KSR1: variants seen among roughly 807,000 people sequenced by gnomAD.
KSR1 encodes the protein kinase suppressor of ras.
In KSR1, 35 loss-of-function variants were observed where a neutral mutation model predicts 92.9. That is an observed-to-expected ratio of 0.38 (90% confidence interval 0.29 to 0.50). The LOEUF (loss-of-function observed/expected upper bound fraction) is 0.50, where lower values mean the gene tolerates loss of function less well. Ranked by LOEUF, KSR1 falls within the 20% of genes least tolerant of loss-of-function variation. KSR1 has a pLI of 0.94. For synonymous variants in KSR1, 467 were observed against 472.6 expected (o/e 0.99, Z 0.15); for missense variants, 972 against 1,158.5 (o/e 0.84, Z 2.34).
In KSR1 at chr17:27,577,674, C is replaced by T. The variant is rs1344298545; in HGVS notation, c.520+35C>T. ...GCCTGCCACCCTCTCCCTTGCCTGG[C>T]CTGGTGCCCTTGGGGCTGTGGCCTT... On this transcript the variant is annotated intron_variant, in intron 3 of 20. Transcript: ENST00000644974. This position sits in a 1 kb window ranked among gnomAD's most constrained non-coding sequence, Gnocchi z 4.5. 1 of 1,490,414 alleles carries T rather than the reference C, an allele frequency of 6.7e-7. No homozygotes were observed. Among genetic ancestry groups the T allele is most frequent in the Non-Finnish European group, 9.1e-7 (1 of 1,104,766 alleles). 92.3% of individuals were successfully genotyped at this position (1,490,414 alleles called of 1,614,324 possible).
chr17:27,599,386 C>T (rs2073462031), intron 10 of KSR1, among the ~76,000 whole-genome samples: 1 of 152,164 alleles, frequency 6.6e-6, no homozygotes, highest in Non-Finnish European at 1.5e-5. Context: ...GGTGAAACCC[C>T]ATCTCTACTA....
intron 1 of KSR1, among the ~76,000 whole-genome samples, chr17:27,549,779 GTCTC>G (rs902133557): frequency 1.6e-4 from 24 of 152,254 alleles, no homozygotes; most frequent in Non-Finnish European, 3.2e-4. Context: ...CATTTCTTCC[GTCTC>G]TCTGAGAGTC....
intron 14 of KSR1, among the ~76,000 whole-genome samples, chr17:27,607,032 G>A (rs567523889): frequency 2.0e-5 from 3 of 152,138 alleles, no homozygotes; most frequent in Non-Finnish European, 2.9e-5. Context: ...AGGTTTCACC[G>A]TGTTGGCCAG....
chr17:27,456,832 T>C lies in KSR1; in HGVS notation c.189T>C (p.Ala63=), dbSNP rs778406998. Residue 63 remains alanine, a synonymous_variant, in exon 1 of 21, where the codon GCT becomes GCC. Transcript: ENST00000644974. ...TGCGCGGGCTGCGCACCAAGTGCGC[T>C]GTGTCCAACGACCTCACCCAGCAGG... The part of the protein sequence containing the change: ...GSLRGLRTKC[A]VSNDLTQQEI... 3.0e-6 allele frequency: 4 copies of C among 1,351,906 alleles called. No individual in the cohort carries two copies. The East Asian group carries it at 6.9e-5, about 23-fold the overall frequency. 83.7% of individuals were successfully genotyped at this position (1,351,906 alleles called of 1,614,324 possible).
intron 6 of KSR1, among the ~76,000 whole-genome samples, chr17:27,589,781 A>G (rs2073099946): frequency 6.6e-6 from 1 of 152,090 alleles, no homozygotes; most frequent in Admixed American, 6.5e-5. Context: ...GTTTTCTTTA[A>G]TGTTCTACAT....
At chr17:27,512,460 C>T (rs1019642725) in intron 1 of KSR1, among the ~76,000 whole-genome samples, 19 of 152,168 alleles carry the variant, frequency 1.2e-4, no homozygotes, top group African/African-American at 9.7e-5. Flanking sequence ...CAGTGGCTTA[C>T]GCCTGTAATC....
rs1432568249 is a variant in KSR1, at chr17:27,624,585, G to T, written c.*1193G>T. On this transcript the variant is annotated 3_prime_UTR_variant, in exon 21 of 21. Transcript: ENST00000644974. ...GGCTGGATTTGGAAAAGTCTTTGAA[G>T]TGAGAGCACCACGCTTGTCTTCGTT... 1 of 152,232 alleles carries T rather than the reference G, an allele frequency of 6.6e-6. No homozygotes were observed. The highest frequency in any genetic ancestry group is 1.5e-5 in the Non-Finnish European group (1 of 68,066). The allele number at this position is 152,232 out of a possible 1,614,324, so 9.4% of individuals were successfully genotyped here. A position where few individuals can be genotyped will look rare whatever the true frequency, so the allele number is the denominator to read the frequency against.
At chr17:27,582,339 A>G (rs1400369642) in intron 3 of KSR1, among the ~76,000 whole-genome samples, 1 of 152,178 alleles carries the variant, frequency 6.6e-6, no homozygotes, top group Non-Finnish European at 1.5e-5. Context: ...TCCCATGAGC[A>G]TTTCCTGTGA....
intron 1 of KSR1, among the ~76,000 whole-genome samples, chr17:27,497,913 C>A (rs1365050407): frequency 1.3e-5 from 2 of 152,244 alleles, no homozygotes; most frequent in South Asian, 4.1e-4. Flanking sequence ...AAGACCGTCA[C>A]GGTGGCAGTT....
intron 1 of KSR1, among the ~76,000 whole-genome samples, chr17:27,476,484 C>T (rs1244644237): frequency 1.3e-5 from 2 of 152,160 alleles, no homozygotes; most frequent in Non-Finnish European, 2.9e-5. Context: ...TCTCAGGGAG[C>T]GCCCCTGCCT....
intron 11 of KSR1, chr17:27,601,812 T>C: frequency 1.0e-6 from 1 of 982,192 alleles, no homozygotes. Flanking sequence ...ATGCACAATG[T>C]CTTAGAGAAG....
intron 2 of KSR1, chr17:27,566,393 C>T: frequency 2.5e-6 from 1 of 399,324 alleles, no homozygotes; most frequent in East Asian, 3.6e-5. Context: ...CTGCCTCCTT[C>T]TTCCCTGGGA....
At chr17:27,519,154 A>C (rs2069918712) in intron 1 of KSR1, among the ~76,000 whole-genome samples, 2 of 152,200 alleles carry the variant, frequency 1.3e-5, no homozygotes, top group African/African-American at 4.8e-5. Flanking sequence ...ACCTGAACAG[A>C]GGCTGCCCTA....
rs370110977 is a variant in KSR1 at position 27,545,715 on chromosome 17, C to T, written c.232-4853C>T. Among the ~76,000 whole-genome samples, 5 of 152,132 alleles carry T rather than the reference C, an allele frequency of 3.3e-5. No individual in the cohort carries two copies. The South Asian group carries it at 6.2e-4, about 19-fold the overall frequency. ...GGGCTGGAGGGCTTGAGGAAGGCTT[C>T]CTGGAGGAAGTGGTGTCTGAGCTGA... On this transcript the variant is annotated intron_variant, in intron 1 of 20. Transcript: ENST00000644974.
chr17:27,471,218 A>G (rs2019982531), intron 1 of KSR1, among the ~76,000 whole-genome samples: 1 of 152,172 alleles, frequency 6.6e-6, no homozygotes. Context: ...TGTTTTAGGC[A>G]CTGTTTTAGG....
intron 2 of KSR1, chr17:27,558,265 TC>T (rs2071683515): frequency 9.5e-6 from 1 of 105,222 alleles, no homozygotes; most frequent in Non-Finnish European, 2.0e-5. Context: ...CTCCCTTCTC[TC>T]TCTTTTTTTT....
At chr17:27,571,201 C>A (rs907419224) in intron 2 of KSR1, among the ~76,000 whole-genome samples, 1 of 152,212 alleles carries the variant, frequency 6.6e-6, no homozygotes, top group South Asian at 2.1e-4. Flanking sequence ...GGGCCCGGAA[C>A]TGGCCACAAG....
chr17:27,576,621 T>G (rs2072517287), intron 2 of KSR1, among the ~76,000 whole-genome samples: 1 of 152,056 alleles, frequency 6.6e-6, no homozygotes, highest in Admixed American at 6.5e-5. Context: ...GTGGAGACAG[T>G]GTGGAGACGC....
At chr17:27,593,575 A>C (rs984263422) in intron 9 of KSR1, among the ~76,000 whole-genome samples, 1 of 152,320 alleles carries the variant, frequency 6.6e-6, no homozygotes, top group Admixed American at 6.5e-5. Context: ...CTGCTCTGAG[A>C]GAGCCAGGGC....
Sources: allele counts gnomAD v4.1 joint callset (sites outside exome capture counted in the v4.1 genomes callset), GRCh38; gene constraint gnomAD v4.1.1; non-coding constraint Gnocchi (gnomAD v3.1); transcripts MANE v1.5; gene names NCBI Gene and HGNC (gene_info 2026-07-23, HGNC 2026-07-21).